The following WRN variants were observed in gnomAD, a reference collection of about 807,000 sequenced individuals.
WRN encodes the protein bifunctional 3'-5' exonuclease/ATP-dependent helicase WRN.
Under a neutral mutation model 180.7 loss-of-function variants are expected in WRN, and 149 were observed. That is an observed-to-expected ratio of 0.82 (90% CI 0.72 to 0.94). The LOEUF (loss-of-function observed/expected upper bound fraction) is 0.94. Ranked by LOEUF, WRN falls within the 40% of genes least tolerant of loss-of-function variation. The probability of loss-of-function intolerance (pLI) is 0.00; values close to 1 mark genes in which losing one functional copy is unlikely to be tolerated. For synonymous variants in WRN, 548 were observed against 568.9 expected (o/e 0.96, Z 0.52); for missense variants, 1,661 against 1,700.1 (o/e 0.98, Z 0.40).
rs1802630504 is a variant in WRN, at chr8:31,141,542, T to C, written c.3080T>C (p.Phe1027Ser). Residue 1027 changes from phenylalanine to serine, a missense_variant, in exon 25 of 35, where the codon TTC becomes TCC. This residue lies in a region of WRN where 1,141 missense variants were observed against 1,149.4 expected (regional missense o/e 0.99). Transcript: ENST00000298139. ...TCCCGTCAGCTGATCACTGAGGGATTCTTGGTAGAAGTTTCTCGGTATAAC... is the reference window on the plus strand; with the variant it reads ...TCCCGTCAGCTGATCACTGAGGGATCCTTGGTAGAAGTTTCTCGGTATAAC... ...AFSRQLITEGFLVEVSRYNKF... is the reference protein window; with the variant it reads ...AFSRQLITEGSLVEVSRYNKF... 1 of 1,614,190 alleles carries C rather than the reference T, an allele frequency of 6.2e-7. No homozygotes were observed. Among genetic ancestry groups the C allele is most frequent in the Non-Finnish European group, 8.5e-7 (1 of 1,180,038 alleles).
At chr8:31,081,892 C>T (rs760655892) in intron 9 of WRN, among the ~76,000 whole-genome samples, 4 of 152,120 alleles carry the variant, frequency 2.6e-5, no homozygotes, top group Non-Finnish European at 5.9e-5. Context: ...TCCCTAGTAG[C>T]TGGGACCACA....
chr8:31,122,124 G>A (rs1054761163), intron 21 of WRN, among the ~76,000 whole-genome samples: 4 of 151,948 alleles, frequency 2.6e-5, no homozygotes, highest in Non-Finnish European at 4.4e-5. Context: ...AGATTTAACA[G>A]GAAATAACAG....
intron 9 of WRN, among the ~76,000 whole-genome samples, chr8:31,081,863 C>T (rs1464722696): frequency 1.3e-5 from 2 of 152,024 alleles, no homozygotes; most frequent in African/African-American, 2.4e-5. Context: ...TGGGCTTAAG[C>T]GATCCTGTCA....
At chr8:31,048,539 GTGTATAAA>G (rs1240239788) in intron 1 of WRN, among the ~76,000 whole-genome samples, 4 of 152,134 alleles carry the variant, frequency 2.6e-5, no homozygotes, top group Admixed American at 2.0e-4. Context: ...ATGCTTGTGT[GTGTATAAA>G]TGTATAAATT....
intron 8 of WRN, among the ~76,000 whole-genome samples, chr8:31,079,600 T>A (rs915480292): frequency 6.6e-6 from 1 of 152,230 alleles, no homozygotes. Context: ...CTTACTTAGT[T>A]AAAATGTTAT....
At chr8:31,078,754 T>C (rs1813192215) in intron 8 of WRN, among the ~76,000 whole-genome samples, 1 of 152,224 alleles carries the variant, frequency 6.6e-6, no homozygotes, top group Admixed American at 6.5e-5. Flanking sequence ...GTGCTAAGGC[T>C]GTCTGCAGGC....
intron 16 of WRN, among the ~76,000 whole-genome samples, chr8:31,094,333 C>A (rs1813872108): frequency 6.6e-6 from 1 of 151,338 alleles, no homozygotes; most frequent in African/African-American, 2.4e-5. Flanking sequence ...CCCTATTTTC[C>A]CTTTTCTTTT....
chr8:31,052,045 A>G (rs1812094908), intron 1 of WRN, among the ~76,000 whole-genome samples: 2 of 152,252 alleles, frequency 1.3e-5, no homozygotes, highest in African/African-American at 4.8e-5. Flanking sequence ...TCTTTGCTAT[A>G]GTGACAAACT....
chr8:31,077,788 T>C (rs529992297), intron 8 of WRN, among the ~76,000 whole-genome samples: 1 of 152,344 alleles, frequency 6.6e-6, no homozygotes, highest in East Asian at 1.9e-4. Context: ...CATGTTTTAT[T>C]TGGGAAGCAA....
chr8:31,079,024 C>T (rs1238125221), intron 8 of WRN, among the ~76,000 whole-genome samples: 1 of 152,182 alleles, frequency 6.6e-6, no homozygotes, highest in Non-Finnish European at 1.5e-5. Context: ...TCTGTTCCTA[C>T]TAAACTATTT....
At chr8:31,163,990 C>T (rs1031223866) in intron 33 of WRN, among the ~76,000 whole-genome samples, 4 of 151,878 alleles carry the variant, frequency 2.6e-5, no homozygotes, top group African/African-American at 9.7e-5. Flanking sequence ...GTAGCTGGGA[C>T]CACACCTGGC....
Position 31,111,682 on chromosome 8 carries a change from AT to A in WRN, c.2157del (p.Leu720Ter), listed in dbSNP as rs1366070219. 1 of 1,614,124 alleles carries A rather than the reference AT, an allele frequency of 6.2e-7. No individual in the cohort carries two copies. Among genetic ancestry groups the A allele is most frequent in the South Asian group, 1.1e-5 (1 of 91,084 alleles). On this transcript the variant is annotated frameshift_variant, in exon 19 of 35. Coordinates refer to ENST00000298139, the MANE Select transcript of WRN (RefSeq NM_000553.6). LOFTEE classifies it high-confidence loss of function. ...SIREDIVRCL[N>X]LRNPQITCTG... ...CGGGAAGACATTGTACGTTGCTTAA[AT>A]CTGAGAAATCCTCAGATCACCTGTA... is the stretch of plus-strand genomic sequence containing the variant.
At chr8:31,128,647 C>T (rs1355050609) in intron 23 of WRN, among the ~76,000 whole-genome samples, 1 of 152,162 alleles carries the variant, frequency 6.6e-6, no homozygotes, top group African/African-American at 2.4e-5. Context: ...ATCCCGAGGT[C>T]AGGAGATCGA....
chr8:31,036,050 A>C (rs1318346809), intron 1 of WRN, among the ~76,000 whole-genome samples: 1 of 152,166 alleles, frequency 6.6e-6, no homozygotes, highest in African/African-American at 2.4e-5. Flanking sequence ...GGTAATCACC[A>C]TTCTACTTAC....
At chr8:31,076,045 T>G in intron 7 of WRN, 128 bp from the exon 8 acceptor site, 1 of 760,560 alleles carries the variant, frequency 1.3e-6, no homozygotes, top group Non-Finnish European at 2.3e-6. Context: ...AATAAGAAGG[T>G]CTTTTTGTTG....
chr8:31,157,310 C>G, intron 32 of WRN, 58 bp from the exon 33 acceptor site: 1 of 1,606,314 alleles, frequency 6.2e-7, no homozygotes, highest in Non-Finnish European at 8.5e-7. Context: ...CATTTTATTT[C>G]CATGACTGGA....
chr8:31,170,089 A>G (rs1195795413), intron 34 of WRN, among the ~76,000 whole-genome samples: 2 of 152,160 alleles, frequency 1.3e-5, no homozygotes, highest in East Asian at 3.8e-4. Context: ...TACAGATGTC[A>G]GTACTGTGCA....
chr8:31,057,695 CAT>C (rs1412667099), intron 1 of WRN, among the ~76,000 whole-genome samples: 1 of 151,672 alleles, frequency 6.6e-6, no homozygotes, highest in Admixed American at 6.6e-5. Flanking sequence ...GAGTATGAGT[CAT>C]ATCAGGGTAC....
chr8:31,092,830 T>C (rs1364512736), intron 16 of WRN, among the ~76,000 whole-genome samples: 1 of 152,184 alleles, frequency 6.6e-6, no homozygotes, highest in Non-Finnish European at 1.5e-5. Flanking sequence ...GAATGCCATA[T>C]AAATGCAGTC....
Sources: allele counts gnomAD v4.1 joint callset (sites outside exome capture counted in the v4.1 genomes callset), GRCh38; gene constraint gnomAD v4.1.1; regional missense constraint gnomAD v4.1.1; transcripts MANE v1.5; gene names NCBI Gene and HGNC (gene_info 2026-07-23, HGNC 2026-07-21).